SLIT2: variants seen among roughly 807,000 people sequenced by gnomAD.
SLIT2 encodes slit guidance ligand 2, also known as slit homolog 2 protein.
In SLIT2, 41 loss-of-function variants were observed where a neutral mutation model predicts 185.7. The observed-to-expected ratio is 0.22, with a 90% confidence interval of 0.17 to 0.29. The LOEUF is 0.29. Among genes scored for constraint, SLIT2 ranks in the 10% least tolerant of loss-of-function variants. SLIT2 has a pLI of 1.00. For missense variants in SLIT2, 1,571 were observed against 1,909.0 expected (o/e 0.82, Z 3.30); for synonymous variants, 693 against 680.2 (o/e 1.02, Z -0.29).
intron 11 of SLIT2, among the ~76,000 whole-genome samples, chr4:20,516,637 G>T (rs1225388001): frequency 6.6e-6 from 1 of 151,864 alleles, no homozygotes; most frequent in East Asian, 1.9e-4. Flanking sequence ...CCTATTTCCT[G>T]GGCTGTCATC....
intron 4 of SLIT2, among the ~76,000 whole-genome samples, chr4:20,465,558 T>G (rs1439010987): frequency 6.6e-6 from 1 of 152,130 alleles, no homozygotes; most frequent in Non-Finnish European, 1.5e-5. Context: ...CAACCACACA[T>G]AAACCATTAG....
At chr4:20,310,916 A>G (rs1315311419) in intron 4 of SLIT2, among the ~76,000 whole-genome samples, 3 of 152,262 alleles carry the variant, frequency 2.0e-5, no homozygotes, top group African/African-American at 7.2e-5. Flanking sequence ...ACAGGCTCTT[A>G]TTCTCTTGCC....
intron 4 of SLIT2, among the ~76,000 whole-genome samples, chr4:20,425,507 A>G (rs1251018751): frequency 6.6e-6 from 1 of 152,174 alleles, no homozygotes; most frequent in African/African-American, 2.4e-5. Context: ...ATAAGTTTAT[A>G]CACGTGTGTG....
intron 26 of SLIT2, among the ~76,000 whole-genome samples, chr4:20,557,364 A>G (rs1355551029): frequency 6.6e-6 from 1 of 152,004 alleles, no homozygotes; most frequent in African/African-American, 2.4e-5. Context: ...GTTGAAGCCA[A>G]TGCTCATTTA....
chr4:20,472,376 C>CTA (rs564500559), intron 5 of SLIT2, among the ~76,000 whole-genome samples: 166 of 9,162 alleles, frequency 0.018, 2 homozygotes, highest in East Asian at 0.064. Context: ...ATATCTATAT[C>CTA]TATATATATG....
intron 29 of SLIT2, among the ~76,000 whole-genome samples, chr4:20,575,006 C>T (rs1470178060): frequency 6.6e-6 from 1 of 152,050 alleles, no homozygotes. Context: ...GCATCTAATA[C>T]CTTCCTGGGT....
intron 5 of SLIT2, 51 bp from the exon 6 acceptor site, chr4:20,480,665 C>T (rs777199651): frequency 7.1e-7 from 1 of 1,411,226 alleles, no homozygotes; most frequent in African/African-American, 1.4e-5. Flanking sequence ...CATCACCTAC[C>T]CCAGCTACTG....
intron 24 of SLIT2, among the ~76,000 whole-genome samples, chr4:20,550,534 G>T (rs636798): frequency 0.68 from 103,165 of 151,642 alleles, 35,291 homozygotes; most frequent in East Asian, 0.84. Context: ...AACTGAGCCT[G>T]TGAAAGCCTT....
intron 18 of SLIT2, among the ~76,000 whole-genome samples, chr4:20,538,606 T>G (rs2148872951): frequency 6.6e-6 from 1 of 152,286 alleles, no homozygotes; most frequent in East Asian, 1.9e-4. Flanking sequence ...GAATTCTGAA[T>G]ACGATTTATG....
rs1175532598 is a variant in SLIT2 at position 20,484,977 on chromosome 4, C to T, written c.540-1223C>T. 6.6e-6 allele frequency among the ~76,000 whole-genome samples: 1 copy of T among 152,082 alleles called. No homozygotes were observed. Among genetic ancestry groups the T allele is most frequent in the Non-Finnish European group, 1.5e-5 (1 of 67,996 alleles). On this transcript the variant is annotated intron_variant, in intron 6 of 36. Transcript: ENST00000504154. The surrounding 1 kb of genome is among the most constrained non-coding windows in gnomAD (Gnocchi z 4.3). ...GCTCATTTCTGTTCTCTGCTCAGGC[C>T]CTGCAGTGAACTTGCAACCCCTAAT...
At chr4:20,308,929 G>GA (rs1243025260) in intron 4 of SLIT2, among the ~76,000 whole-genome samples, 1 of 152,040 alleles carries the variant, frequency 6.6e-6, no homozygotes, top group East Asian at 1.9e-4. Context: ...TTACTTGTAT[G>GA]AAAAAGACTA....
intron 4 of SLIT2, among the ~76,000 whole-genome samples, chr4:20,271,462 A>C: frequency 6.9e-6 from 1 of 144,878 alleles, no homozygotes; most frequent in East Asian, 2.0e-4. Context: ...ATTTATATAT[A>C]ATATTTATAT....
chr4:20,278,928 A>G (rs1417646933), intron 4 of SLIT2, among the ~76,000 whole-genome samples: 1 of 152,178 alleles, frequency 6.6e-6, no homozygotes, highest in African/African-American at 2.4e-5. Flanking sequence ...TCCATTTAAC[A>G]TAGATACATG....
rs551245551 is a variant in SLIT2, at chr4:20,589,044, G to A, written c.3089-600G>A. 5.5e-4 allele frequency among the ~76,000 whole-genome samples: 84 copies of A among 152,258 alleles called. 2 individuals are homozygous for A. Among genetic ancestry groups the A allele is most frequent in the Admixed American group, 2.9e-3 (45 of 15,298 alleles). ...AAGACCAGAGACTATGAAGATTTGA[G>A]AATATTTTTTTCAAACATAAAACTA... On this transcript the variant is annotated intron_variant, in intron 29 of 36. Coordinates refer to ENST00000504154, the MANE Select transcript of SLIT2 (RefSeq NM_004787.4).
At chr4:20,285,705 G>A (rs61790834) in intron 4 of SLIT2, among the ~76,000 whole-genome samples, 29,864 of 151,998 alleles carry the variant, frequency 0.2, 3,505 homozygotes, top group Middle Eastern at 0.32. Flanking sequence ...ACATCACCAC[G>A]CCCAGCTAAT....
intron 30 of SLIT2, 109 bp downstream of exon 30, chr4:20,589,846 G>A: frequency 1.4e-6 from 1 of 695,616 alleles, no homozygotes; most frequent in Non-Finnish European, 2.6e-6. Flanking sequence ...AGGATTAAAG[G>A]GACCTATTCA....
At chr4:20,305,279 A>G (rs1328083976) in intron 4 of SLIT2, among the ~76,000 whole-genome samples, 1 of 152,172 alleles carries the variant, frequency 6.6e-6, no homozygotes, top group Non-Finnish European at 1.5e-5. Flanking sequence ...TATATACACC[A>G]AAAAAAGAAC....
chr4:20,513,651 A>T (rs1157243580), intron 11 of SLIT2, among the ~76,000 whole-genome samples: 1 of 152,170 alleles, frequency 6.6e-6, no homozygotes, highest in African/African-American at 2.4e-5. Flanking sequence ...CATAAAATTT[A>T]CCTATATTTA....
intron 29 of SLIT2, among the ~76,000 whole-genome samples, chr4:20,583,582 T>C (rs1726782087): frequency 6.6e-6 from 1 of 151,888 alleles, no homozygotes; most frequent in South Asian, 2.1e-4. Flanking sequence ...GAGGCTGAGG[T>C]GGGTGGATCA....
Sources: gnomAD v4.1 joint callset for allele counts (sites outside exome capture counted in the v4.1 genomes callset) on GRCh38, gnomAD v4.1.1 for gene constraint, Gnocchi (gnomAD v3.1) non-coding constraint, MANE v1.5 for transcripts, NCBI Gene and HGNC (gene_info 2026-07-23, HGNC 2026-07-21) for gene names.